EIPR1: variants seen among roughly 807,000 people sequenced by gnomAD.
EIPR1 encodes EARP and GARP complex-interacting protein 1.
In EIPR1, 25 loss-of-function variants were observed where a neutral mutation model predicts 48.1. The observed-to-expected ratio is 0.52, with a 90% CI of 0.38 to 0.73. EIPR1 has a LOEUF of 0.73. EIPR1 is among the 30% of genes least tolerant of loss of function. EIPR1 has a pLI of 0.00. For synonymous variants in EIPR1, 204 were observed against 201.9 expected, an observed-to-expected ratio of 1.01 and a Z score of -0.09; for missense variants, 415 against 506.2, an observed-to-expected ratio of 0.82 and a Z score of 1.73.
chr2:3,335,192 A>G (rs1277874008), intron 3 of EIPR1, among the ~76,000 whole-genome samples: 1 of 152,168 alleles, frequency 6.6e-6, no homozygotes, highest in Non-Finnish European at 1.5e-5. Flanking sequence ...AGCTACAGCC[A>G]GTACACACTG....
intron 3 of EIPR1, among the ~76,000 whole-genome samples, chr2:3,328,785 A>G (rs1319285324): frequency 8.4e-6 from 1 of 118,390 alleles, no homozygotes; most frequent in African/African-American, 3.4e-5. Context: ...ATCTCAGGGC[A>G]CCAGCCAGGC....
chr2:3,208,362 A>G (rs1461665304), intron 5 of EIPR1: 1 of 1,165,622 alleles, frequency 8.6e-7, no homozygotes, highest in Non-Finnish European at 1.2e-6. Flanking sequence ...CCCGGGTGGG[A>G]CTCATTTATA....
chr2:3,238,374 C>A (rs1437611776), intron 4 of EIPR1, among the ~76,000 whole-genome samples: 1 of 152,238 alleles, frequency 6.6e-6, no homozygotes, highest in Non-Finnish European at 1.5e-5. Context: ...CACTCCAGAG[C>A]CGCGGGAGGT....
At chr2:3,248,286 A>G (rs945642269) in intron 4 of EIPR1, among the ~76,000 whole-genome samples, 2 of 152,206 alleles carry the variant, frequency 1.3e-5, no homozygotes, top group Middle Eastern at 3.2e-3. Flanking sequence ...CATCTCTACT[A>G]AAAACACAAA....
At chr2:3,190,522 T>C (rs1249446646) in intron 8 of EIPR1, among the ~76,000 whole-genome samples, 1 of 152,128 alleles carries the variant, frequency 6.6e-6, no homozygotes, top group East Asian at 1.9e-4. Context: ...ACATCAGGAC[T>C]GAGGGATGTC....
At chr2:3,225,189 G>C (rs1028311858) in intron 4 of EIPR1, among the ~76,000 whole-genome samples, 1 of 151,584 alleles carries the variant, frequency 6.6e-6, no homozygotes, top group Non-Finnish European at 1.5e-5. Context: ...TTGACAAATA[G>C]AATTTGTGTA....
intron 5 of EIPR1, chr2:3,208,958 C>T (rs1289456443): frequency 6.7e-7 from 1 of 1,493,240 alleles, no homozygotes; most frequent in Admixed American, 2.2e-5. Context: ...ATTCTTCCCT[C>T]TAATAGGACA....
chr2:3,359,473 T>A (rs915075943), intron 1 of EIPR1, among the ~76,000 whole-genome samples: 3 of 152,148 alleles, frequency 2.0e-5, no homozygotes, highest in Non-Finnish European at 2.9e-5. Context: ...AGGTTGCAGT[T>A]TTGGAAAAGC....
intron 4 of EIPR1, among the ~76,000 whole-genome samples, chr2:3,214,919 A>T (rs995977700): frequency 6.7e-6 from 1 of 150,242 alleles, no homozygotes; most frequent in African/African-American, 2.5e-5. Flanking sequence ...AATGGGATTC[A>T]TGCCTTTATA....
At chr2:3,234,181 G>A (rs1666326610) in intron 4 of EIPR1, among the ~76,000 whole-genome samples, 1 of 152,328 alleles carries the variant, frequency 6.6e-6, no homozygotes, top group East Asian at 1.9e-4. Flanking sequence ...AGGAATGAGG[G>A]CACATGTGTT....
At position 3,317,138 on chromosome 2, in the gene EIPR1, C is replaced by A. The variant is rs1333758746; in HGVS notation, c.259+20879G>T. On this transcript the variant is annotated intron_variant, in intron 3 of 8. Transcript: ENST00000382125. ...CTTGCATGTGGGGTGGAGCACAGAG[C>A]CCCAGGAGCGCATGAGGCACTGACC... 2.1e-5 allele frequency among the ~76,000 whole-genome samples: 3 copies of A among 142,392 alleles called. No homozygotes were observed. In the East Asian group the frequency reaches 6.6e-4, roughly 31 times the overall value. 93.4% of individuals were successfully genotyped at this position (142,392 alleles called of 152,430 possible). A position where few individuals can be genotyped will look rare whatever the true frequency, so the allele number is the denominator to read the frequency against.
intron 5 of EIPR1, among the ~76,000 whole-genome samples, chr2:3,209,455 G>T (rs1446833814): frequency 1.3e-5 from 2 of 152,204 alleles, no homozygotes; most frequent in East Asian, 3.9e-4. Context: ...GCATGGCGAG[G>T]GTGCGTGGAA....
intron 3 of EIPR1, among the ~76,000 whole-genome samples, chr2:3,335,221 T>C (rs1431413315): frequency 6.6e-6 from 1 of 152,164 alleles, no homozygotes; most frequent in Non-Finnish European, 1.5e-5. Flanking sequence ...GCATGCGCTG[T>C]TGGAAGCCGC....
At chr2:3,237,777 T>C (rs1301134613) in intron 4 of EIPR1, among the ~76,000 whole-genome samples, 1 of 152,152 alleles carries the variant, frequency 6.6e-6, no homozygotes, top group Non-Finnish European at 1.5e-5. Flanking sequence ...TCCGCTTCCG[T>C]CCAGCGGGGA....
Position 3,194,526 on chromosome 2 carries a change from A to G in EIPR1, c.654-360T>C, listed in dbSNP as rs1463428807. On this transcript the variant is annotated intron_variant, in intron 6 of 8. Coordinates refer to ENST00000382125, the MANE Select transcript of EIPR1 (RefSeq NM_003310.5). ...GGGACACTGAGCCAGACATTTGGAC[A>G]GGATGCCTGACACATTTCTGGAAGG... 4 of 181,818 alleles carry G rather than the reference A, an allele frequency of 2.2e-5. No homozygotes were observed. In the Admixed American group the frequency reaches 2.2e-4, roughly 10 times the overall value. The allele number at this position is 181,818 out of a possible 1,614,324, so 11.3% of individuals were successfully genotyped here.
rs71396979 is a variant in EIPR1 at position 3,351,004 on chromosome 2, A to ATT, written c.126+3544_126+3545dup. Among the ~76,000 whole-genome samples, 13 of 135,308 alleles carry ATT rather than the reference A, an allele frequency of 9.6e-5. 2 individuals carry two copies. Among genetic ancestry groups the ATT allele is most frequent in the African/African-American group, 1.3e-4 (5 of 37,260 alleles). 88.8% of individuals were successfully genotyped at this position (135,308 alleles called of 152,430 possible). On this transcript the variant is annotated intron_variant, in intron 2 of 8. Coordinates refer to ENST00000382125, the MANE Select transcript of EIPR1 (RefSeq NM_003310.5). ...AAAACACTTTCTGTCATTTTGGGCG[A>ATT]TTTTTTTTTTTTTAGACAGAGTCTC... is the stretch of plus-strand genomic sequence containing the variant.
At chr2:3,372,542 G>A (rs1474218536) in intron 1 of EIPR1, among the ~76,000 whole-genome samples, 2 of 152,094 alleles carry the variant, frequency 1.3e-5, no homozygotes, top group Admixed American at 6.6e-5. Context: ...AAATGACGAA[G>A]GGGATATCAC....
intron 3 of EIPR1, among the ~76,000 whole-genome samples, chr2:3,282,261 A>G (rs184115068): frequency 6.6e-6 from 1 of 152,342 alleles, no homozygotes; most frequent in African/African-American, 2.4e-5. Context: ...CAGCTTGCAC[A>G]GAGGCCTGAA....
intron 1 of EIPR1, among the ~76,000 whole-genome samples, chr2:3,357,411 GAGA>G (rs1368967230): frequency 6.6e-6 from 1 of 152,198 alleles, no homozygotes; most frequent in Non-Finnish European, 1.5e-5. Flanking sequence ...AATATGGCCT[GAGA>G]AGGACTCCCT....
Sources: gnomAD v4.1 joint callset for allele counts (sites outside exome capture counted in the v4.1 genomes callset) on GRCh38, gnomAD v4.1.1 for gene constraint, MANE v1.5 for transcripts, NCBI Gene and HGNC (gene_info 2026-07-23, HGNC 2026-07-21) for gene names.